Variants in GRM8 observed in about 807,000 individuals in gnomAD.
GRM8 encodes the protein glutamate metabotropic receptor 8, also known as metabotropic glutamate receptor 8.
GRM8 carries 47 observed loss-of-function variants against 87.2 expected under a neutral mutation model. That is an observed-to-expected ratio of 0.54 (90% CI 0.43 to 0.69). The LOEUF (loss-of-function observed/expected upper bound fraction) is 0.69, where lower values mean the gene tolerates loss of function less well. GRM8 is among the 30% of genes least tolerant of loss of function. GRM8 has a pLI of 0.00. For synonymous variants in GRM8, 396 were observed against 404.5 expected, an observed-to-expected ratio of 0.98 and a Z score of 0.25; for missense variants, 1,019 against 1,139.2, an observed-to-expected ratio of 0.89 and a Z score of 1.52.
At chr7:127,011,048 A>G (rs548405600) in intron 3 of GRM8, among the ~76,000 whole-genome samples, 5 of 152,202 alleles carry the variant, frequency 3.3e-5, no homozygotes, top group African/African-American at 4.8e-5. Context: ...TTATTATACT[A>G]TATCATTTTC....
intron 3 of GRM8, among the ~76,000 whole-genome samples, chr7:126,909,568 A>G (rs1225125846): frequency 6.6e-6 from 1 of 152,164 alleles, no homozygotes; most frequent in African/African-American, 2.4e-5. Context: ...TACAGGCAAA[A>G]TGTTATATGA....
chr7:126,446,035 C>A, intron 10 of GRM8, 91 bp downstream of exon 10: 1 of 1,482,604 alleles, frequency 6.7e-7, no homozygotes, highest in Non-Finnish European at 9.4e-7. Context: ...ACATGTAGCA[C>A]AATCCCCAAG....
At chr7:126,672,012 C>A (rs1806433363) in intron 7 of GRM8, among the ~76,000 whole-genome samples, 1 of 152,126 alleles carries the variant, frequency 6.6e-6, no homozygotes, top group South Asian at 2.1e-4. Context: ...TCTGAGGGAT[C>A]CAGAGGCAGA....
intron 2 of GRM8, among the ~76,000 whole-genome samples, chr7:127,145,868 G>A (rs1828527323): frequency 6.6e-6 from 1 of 152,046 alleles, no homozygotes; most frequent in Non-Finnish European, 1.5e-5. Flanking sequence ...ATTATTCACT[G>A]TTTATCTGAA....
intron 2 of GRM8, among the ~76,000 whole-genome samples, chr7:127,240,071 T>A (rs558126749): frequency 3.3e-5 from 5 of 152,122 alleles, no homozygotes; most frequent in Non-Finnish European, 7.4e-5. Context: ...GAGCTGCCCT[T>A]TCATGTGTTG....
chr7:126,673,457 A>G (rs1806603743), intron 7 of GRM8, among the ~76,000 whole-genome samples: 1 of 152,222 alleles, frequency 6.6e-6, no homozygotes, highest in Admixed American at 6.5e-5. Flanking sequence ...CAATGGTTTG[A>G]GACAAATTCT....
intron 8 of GRM8, among the ~76,000 whole-genome samples, chr7:126,579,127 G>A (rs1795376620): frequency 6.6e-6 from 1 of 152,132 alleles, no homozygotes; most frequent in Admixed American, 6.6e-5. Flanking sequence ...AGACACAAAA[G>A]TTAGAGAAAA....
At chr7:126,787,810 A>G (rs2151660403) in intron 6 of GRM8, among the ~76,000 whole-genome samples, 1 of 152,160 alleles carries the variant, frequency 6.6e-6, no homozygotes, top group Middle Eastern at 3.4e-3. Flanking sequence ...TTTGTAGATC[A>G]TCATGCCTCA....
At chr7:126,821,366 G>A (rs181823372) in intron 6 of GRM8, among the ~76,000 whole-genome samples, 5 of 152,196 alleles carry the variant, frequency 3.3e-5, no homozygotes, top group East Asian at 1.9e-4. Flanking sequence ...CTCAAAATCC[G>A]AGCTCTACCA....
At chr7:126,865,793 G>T (rs554798257) in intron 6 of GRM8, among the ~76,000 whole-genome samples, 1 of 152,222 alleles carries the variant, frequency 6.6e-6, no homozygotes, top group South Asian at 2.1e-4. Context: ...ATATTCCATT[G>T]TATGGGTATG....
intron 7 of GRM8, among the ~76,000 whole-genome samples, chr7:126,647,263 AG>A (rs1803218238): frequency 6.6e-6 from 1 of 151,902 alleles, no homozygotes; most frequent in Non-Finnish European, 1.5e-5. Context: ...TGAAGGATTT[AG>A]GGGGATCTTG....
In GRM8 at chr7:126,738,320, C is replaced by A. The variant is rs1814472756; in HGVS notation, c.1357+31545G>T. 3.9e-5 allele frequency among the ~76,000 whole-genome samples: 6 copies of A among 152,070 alleles called. No individual in the cohort carries two copies. In the South Asian group the frequency reaches 1.2e-3, roughly 32 times the overall value. Reference sequence around the variant, plus strand: ...CAAGCCCTCTGGCTGCTGCACGTAGCCCACTAGAGAGAGGGGAATAAAATG... The same window carrying A: ...CAAGCCCTCTGGCTGCTGCACGTAGACCACTAGAGAGAGGGGAATAAAATG... On this transcript the variant is annotated intron_variant, in intron 7 of 10. Coordinates refer to ENST00000339582, the MANE Select transcript of GRM8 (RefSeq NM_000845.3).
intron 6 of GRM8, among the ~76,000 whole-genome samples, chr7:126,829,812 T>A (rs1795183743): frequency 6.6e-6 from 1 of 152,196 alleles, no homozygotes; most frequent in Admixed American, 6.5e-5. Context: ...GGTCTTTATA[T>A]TTTGGCATGA....
chr7:127,009,562 G>A (rs1039463305), intron 3 of GRM8, among the ~76,000 whole-genome samples: 14 of 152,052 alleles, frequency 9.2e-5, no homozygotes, highest in East Asian at 3.9e-4. Context: ...TAAATGCACC[G>A]CAGGAAAATG....
At chr7:126,791,571 T>A (rs2299521) in intron 6 of GRM8, among the ~76,000 whole-genome samples, 42,955 of 152,058 alleles carry the variant, frequency 0.28, 6,991 homozygotes, top group Middle Eastern at 0.42. Flanking sequence ...GCTTAGGAAA[T>A]CTGAAGGGGA....
chr7:126,509,204 A>G (rs528023401), intron 9 of GRM8, among the ~76,000 whole-genome samples: 6 of 152,162 alleles, frequency 3.9e-5, no homozygotes, highest in Admixed American at 3.3e-4. Context: ...AAAGTGTTAA[A>G]TTTTCAATAT....
intron 2 of GRM8, among the ~76,000 whole-genome samples, chr7:127,209,245 C>T (rs917053138): frequency 1.3e-5 from 2 of 152,274 alleles, no homozygotes; most frequent in Middle Eastern, 3.4e-3. Context: ...GGATAAGGAG[C>T]AGGGATACAC....
chr7:127,127,742 A>C (rs946792760), intron 2 of GRM8, among the ~76,000 whole-genome samples: 2 of 152,044 alleles, frequency 1.3e-5, no homozygotes, highest in Non-Finnish European at 2.9e-5. Context: ...AAACTCATCA[A>C]ATACTCATTT....
intron 3 of GRM8, among the ~76,000 whole-genome samples, chr7:126,906,785 G>C (rs1005985331): frequency 4.6e-5 from 7 of 152,150 alleles, no homozygotes; most frequent in Admixed American, 6.5e-5. Context: ...AGGACTCTTA[G>C]TAACCTTACA....
Sources: gnomAD v4.1 joint callset for allele counts (sites outside exome capture counted in the v4.1 genomes callset) on GRCh38, gnomAD v4.1.1 for gene constraint, MANE v1.5 for transcripts, NCBI Gene and HGNC (gene_info 2026-07-23, HGNC 2026-07-21) for gene names.